MAP3K8: variants seen among roughly 807,000 people sequenced by gnomAD.
MAP3K8 encodes mitogen-activated protein kinase kinase kinase 8, also known as Ewing sarcoma transformant.
Under a neutral mutation model 45.8 loss-of-function variants are expected in MAP3K8, and 22 were observed. The ratio of observed to expected loss-of-function variants is 0.48; its 90% CI spans 0.34 to 0.69. The LOEUF (loss-of-function observed/expected upper bound fraction) is 0.69, where lower values mean the gene tolerates loss of function less well. MAP3K8 is among the 30% of genes least tolerant of loss of function. MAP3K8 has a pLI of 0.01. For missense variants in MAP3K8, 419 were observed against 585.0 expected (o/e 0.72, Z 2.93); for synonymous variants, 223 against 214.3 (o/e 1.04, Z -0.36).
At chr10:30,446,855 C>G (rs2132804781) in intron 3 of MAP3K8, among the ~76,000 whole-genome samples, 1 of 152,136 alleles carries the variant, frequency 6.6e-6, no homozygotes, top group South Asian at 2.1e-4. Flanking sequence ...CCCTTGAAAC[C>G]CACATTGCTG....
rs1835943617 is a variant in MAP3K8, at chr10:30,437,252, G to A, written c.-178G>A. The A allele has an allele frequency of 8.1e-6, 8 of 985,116 alleles. No homozygotes were observed. Among genetic ancestry groups the A allele is most frequent in the Non-Finnish European group, 8.4e-6 (7 of 829,824 alleles). 61.0% of individuals were successfully genotyped at this position (985,116 alleles called of 1,614,324 possible). A position where few individuals can be genotyped will look rare whatever the true frequency, so the allele number is the denominator to read the frequency against. The stretch of plus-strand genomic sequence containing the variant: ...TTTGCAGATAAGAAAGGAAGCTAAC[G>A]CAGTATCTGCAAAGCCAGGAGTCTG... On this transcript the variant is annotated 5_prime_UTR_variant, in exon 2 of 9. Coordinates refer to ENST00000263056, the MANE Select transcript of MAP3K8 (RefSeq NM_005204.4).
At chr10:30,434,077 T>A (rs1010921264), upstream of MAP3K8, 6 of 153,286 alleles carry the variant, frequency 3.9e-5, no homozygotes, top group African/African-American at 1.4e-4. Context: ...AATGGAAAAG[T>A]CGGGGAGGCG....
intron 3 of MAP3K8, among the ~76,000 whole-genome samples, chr10:30,443,963 G>A (rs1836213902): frequency 6.6e-6 from 1 of 152,060 alleles, no homozygotes; most frequent in South Asian, 2.1e-4. Context: ...GCTGAGGCCA[G>A]AGGATCACTT....
chr10:30,435,462 C>T (rs1835881784), intron 1 of MAP3K8, among the ~76,000 whole-genome samples: 1 of 152,256 alleles, frequency 6.6e-6, no homozygotes, highest in East Asian at 1.9e-4. Context: ...AACGCATAAT[C>T]CGGGGCTTTT....
At chr10:30,441,322 A>G (rs1836099156) in intron 3 of MAP3K8, among the ~76,000 whole-genome samples, 1 of 151,976 alleles carries the variant, frequency 6.6e-6, no homozygotes. Context: ...ATACCCGGCT[A>G]ATTTTTGTAT....
intron 3 of MAP3K8, among the ~76,000 whole-genome samples, chr10:30,443,523 G>T (rs183603208): frequency 3.9e-5 from 6 of 152,248 alleles, no homozygotes; most frequent in Admixed American, 3.3e-4. Context: ...ATCTGGGCAG[G>T]ACCCTGTGAA....
intron 6 of MAP3K8, among the ~76,000 whole-genome samples, chr10:30,452,565 C>G: frequency 6.6e-6 from 1 of 150,662 alleles, no homozygotes; most frequent in East Asian, 1.9e-4. Flanking sequence ...CCCAGGAGTT[C>G]AAGGCTGCAG....
At chr10:30,443,299 A>G (rs990910462) in intron 3 of MAP3K8, among the ~76,000 whole-genome samples, 1 of 152,248 alleles carries the variant, frequency 6.6e-6, no homozygotes, top group Non-Finnish European at 1.5e-5. Context: ...GGAGCAATTA[A>G]TGAATACATG....
intron 3 of MAP3K8, among the ~76,000 whole-genome samples, chr10:30,445,651 AAG>A (rs1393608690): frequency 6.6e-6 from 1 of 152,112 alleles, no homozygotes; most frequent in Non-Finnish European, 1.5e-5. Flanking sequence ...CATGCTGCAA[AAG>A]AGGCCTCCAG....
chr10:30,435,166 T>C (rs943961357), intron 1 of MAP3K8, among the ~76,000 whole-genome samples: 4 of 152,168 alleles, frequency 2.6e-5, no homozygotes, highest in African/African-American at 9.7e-5. Context: ...GCGATGCTTG[T>C]CTATTTCACT....
intron 3 of MAP3K8, 135 bp from the exon 4 acceptor site, chr10:30,447,647 A>T: frequency 1.4e-6 from 1 of 731,608 alleles, no homozygotes. Context: ...AGTTGGTAGG[A>T]TTAAGCACAG....
rs563470529 is a variant in MAP3K8 at position 30,458,903 on chromosome 10, C to T, written c.1027-352C>T. On this transcript the variant is annotated intron_variant, in intron 7 of 8. Coordinates refer to ENST00000263056, the MANE Select transcript of MAP3K8 (RefSeq NM_005204.4). ...CAGCCTGGGCAACAAAGCAAGACCCCATCGCTACAAAAAATTAAAAAAATT... is the reference window on the plus strand; with the variant it reads ...CAGCCTGGGCAACAAAGCAAGACCCTATCGCTACAAAAAATTAAAAAAATT... Among the ~76,000 whole-genome samples, 11 of 152,194 alleles carry T rather than the reference C, an allele frequency of 7.2e-5. No homozygotes were observed. In the East Asian group the frequency reaches 1.9e-3, roughly 27 times the overall value.
chr10:30,445,430 CAAAA>C (rs1452620889), intron 3 of MAP3K8, among the ~76,000 whole-genome samples: 1 of 151,942 alleles, frequency 6.6e-6, no homozygotes, highest in Non-Finnish European at 1.5e-5. Flanking sequence ...CAAAAACAAA[CAAAA>C]AAACCTAAAC....
intron 3 of MAP3K8, among the ~76,000 whole-genome samples, chr10:30,445,646 T>C (rs1269705569): frequency 6.6e-6 from 1 of 152,190 alleles, no homozygotes; most frequent in East Asian, 1.9e-4. Context: ...CTCAGCATGC[T>C]GCAAAAGAGG....
chr10:30,460,587 T>C, intron 8 of MAP3K8, 119 bp from the exon 9 acceptor site: 5 of 778,370 alleles, frequency 6.4e-6, no homozygotes, highest in South Asian at 3.8e-5. Flanking sequence ...AAGACCCATC[T>C]TTCACGCTTA....
At chr10:30,448,039 A>C in intron 4 of MAP3K8, 90 bp downstream of exon 4, 3 of 1,226,788 alleles carry the variant, frequency 2.4e-6, no homozygotes, top group Non-Finnish European at 3.4e-6. Flanking sequence ...AAAGGTTTTT[A>C]TCGTTTGATT....
chr10:30,441,160 C>CTTTTT (rs11331000), intron 3 of MAP3K8, among the ~76,000 whole-genome samples: 1 of 144,356 alleles, frequency 6.9e-6, no homozygotes, highest in African/African-American at 2.5e-5. Flanking sequence ...AAGGAGAATT[C>CTTTTT]TTTTTTTTTT....
intron 2 of MAP3K8, among the ~76,000 whole-genome samples, chr10:30,438,260 C>T (rs1157787105): frequency 1.3e-5 from 2 of 152,214 alleles, no homozygotes; most frequent in African/African-American, 4.8e-5. Context: ...CATCATCTTT[C>T]TCATACTCAT....
At position 30,461,302 on chromosome 10, in the gene MAP3K8, A is replaced by G; in HGVS notation, c.*466A>G. ...TATTGGTAAATTCTGGTATACATTG[A>G]ATTCATTATAATTTGGGTGACTAGA... On this transcript the variant is annotated 3_prime_UTR_variant, in exon 9 of 9. Coordinates refer to ENST00000263056, the MANE Select transcript of MAP3K8 (RefSeq NM_005204.4). The G allele has an allele frequency of 4.7e-6, 1 of 213,682 alleles. No individual in the cohort carries two copies. Among genetic ancestry groups the G allele is most frequent in the Non-Finnish European group, 9.5e-6 (1 of 105,478 alleles). The allele number at this position is 213,682 out of a possible 1,614,324, so 13.2% of individuals were successfully genotyped here.
Sources: gnomAD v4.1 joint callset for allele counts (sites outside exome capture counted in the v4.1 genomes callset) on GRCh38, gnomAD v4.1.1 for gene constraint, MANE v1.5 for transcripts, NCBI Gene and HGNC (gene_info 2026-07-23, HGNC 2026-07-21) for gene names.